The following STAU2 variants were observed in gnomAD, a reference collection of about 807,000 sequenced individuals.
STAU2 encodes the protein double-stranded RNA-binding protein Staufen homolog 2.
In STAU2, 20 loss-of-function variants were observed where a neutral mutation model predicts 65.9. That is an observed-to-expected ratio of 0.30 (90% CI 0.21 to 0.44). The LOEUF (loss-of-function observed/expected upper bound fraction) is 0.44. Among genes scored for constraint, STAU2 ranks in the 20% least tolerant of loss-of-function variants. The probability of loss-of-function intolerance (pLI) is 1.00; values close to 1 mark genes in which losing one functional copy is unlikely to be tolerated. For synonymous variants in STAU2, 232 were observed against 233.9 expected (o/e 0.99, Z 0.07); for missense variants, 558 against 683.9 (o/e 0.82, Z 2.05).
At chr8:73,524,199 A>G (rs1425561033) in intron 13 of STAU2, among the ~76,000 whole-genome samples, 2 of 152,326 alleles carry the variant, frequency 1.3e-5, no homozygotes, top group East Asian at 1.9e-4. Context: ...GGTCAGAGAC[A>G]TAATTTAGAG....
chr8:73,547,176 G>A (rs1355444842), intron 13 of STAU2, among the ~76,000 whole-genome samples: 2 of 152,162 alleles, frequency 1.3e-5, no homozygotes, highest in Non-Finnish European at 2.9e-5. Context: ...ACTATCTTGT[G>A]TGTCTTACTA....
rs16938694 is a variant in STAU2 at position 73,580,811 on chromosome 8, G to A, written c.1222+1959C>T. On this transcript the variant is annotated intron_variant, in intron 12 of 14. Coordinates refer to ENST00000524300, the MANE Select transcript of STAU2 (RefSeq NM_001164380.2). ...TTATCCTCTATCGTAATCCAAGGAA[G>A]GGACAATCCAGTGTTCATTCAAAGA... Among the ~76,000 whole-genome samples the A allele has an allele frequency of 5.1e-3, 771 of 152,244 alleles. 12 individuals carry two copies. The highest frequency in any genetic ancestry group is 0.018 in the African/African-American group (735 of 41,546).
At chr8:73,451,497 G>C (rs1818799095) in intron 13 of STAU2, among the ~76,000 whole-genome samples, 1 of 151,944 alleles carries the variant, frequency 6.6e-6, no homozygotes. Flanking sequence ...AATATGTTAA[G>C]AGAGAGAAAG....
chr8:73,552,176 G>C lies in STAU2; in HGVS notation c.1366C>G (p.Pro456Ala), dbSNP rs765489364. 4 of 1,613,988 alleles carry C rather than the reference G, an allele frequency of 2.5e-6. No individual in the cohort carries two copies. Among genetic ancestry groups the C allele is most frequent in the Non-Finnish European group, 3.4e-6 (4 of 1,179,882 alleles). ...QPSSSFFSISPTSNSSATIAR... is the reference protein window; with the variant it reads ...QPSSSFFSISATSNSSATIAR... ...ATTGTAGCTGAACTATTCGATGTGG[G>C]AGATATACTGAAGAAAGAGCTTGAA... The change falls in exon 13 of 15, where the codon CCC (proline) becomes GCC (alanine). Residue 456 changes from proline (P) to alanine (A), a missense_variant. Pro to Ala is a conservative substitution (Grantham distance 27). This residue lies in a region of STAU2 where 247 missense variants were observed against 270.1 expected (regional missense o/e 0.91). Transcript: ENST00000524300.
chr8:73,711,778 C>T (rs10096084), intron 3 of STAU2, among the ~76,000 whole-genome samples: 2,098 of 152,154 alleles, frequency 0.014, 21 homozygotes, highest in Non-Finnish European at 0.021. Context: ...TAACATGAAT[C>T]CAATAACACA....
chr8:73,510,618 C>G (rs1310234430), intron 13 of STAU2, among the ~76,000 whole-genome samples: 2 of 152,108 alleles, frequency 1.3e-5, no homozygotes, highest in African/African-American at 4.8e-5. Context: ...ACTGGGGAGG[C>G]CTCAGGAAAC....
intron 6 of STAU2, among the ~76,000 whole-genome samples, chr8:73,635,299 A>G (rs1184780910): frequency 6.6e-6 from 1 of 152,236 alleles, no homozygotes; most frequent in Non-Finnish European, 1.5e-5. Flanking sequence ...GGTACCAAAA[A>G]GTCAATGAAA....
intron 13 of STAU2, among the ~76,000 whole-genome samples, chr8:73,510,736 T>A (rs1338459443): frequency 6.6e-6 from 1 of 152,068 alleles, no homozygotes; most frequent in Non-Finnish European, 1.5e-5. Context: ...ATCCATTAGA[T>A]CTCCTGAGAA....
chr8:73,716,684 C>A (rs2130684767), intron 3 of STAU2, among the ~76,000 whole-genome samples: 1 of 152,244 alleles, frequency 6.6e-6, no homozygotes, highest in South Asian at 2.1e-4. Flanking sequence ...GCTTATATGT[C>A]ATCTGTATCT....
At chr8:73,639,567 C>T (rs138611746) in intron 6 of STAU2, among the ~76,000 whole-genome samples, 218 of 152,198 alleles carry the variant, frequency 1.4e-3, no homozygotes, top group Non-Finnish European at 2.4e-3. Context: ...CGACAACCTT[C>T]TCAGATCACT....
At chr8:73,568,330 G>A (rs945741208) in intron 12 of STAU2, among the ~76,000 whole-genome samples, 1 of 152,220 alleles carries the variant, frequency 6.6e-6, no homozygotes, top group African/African-American at 2.4e-5. Flanking sequence ...TAAGCTGGGT[G>A]CAGTGGCTCA....
At chr8:73,586,548 T>A (rs1212543421) in intron 11 of STAU2, among the ~76,000 whole-genome samples, 1 of 150,628 alleles carries the variant, frequency 6.6e-6, no homozygotes, top group Non-Finnish European at 1.5e-5. Context: ...AAAAATAAGA[T>A]TCCAAGACTC....
intron 13 of STAU2, among the ~76,000 whole-genome samples, chr8:73,469,487 G>T (rs1402388470): frequency 7.3e-6 from 1 of 136,682 alleles, no homozygotes; most frequent in Non-Finnish European, 1.6e-5. Flanking sequence ...AAAAAAAAAA[G>T]AAAGTGTGTC....
chr8:73,461,007 T>A (rs1386354711), intron 13 of STAU2, among the ~76,000 whole-genome samples: 1 of 152,172 alleles, frequency 6.6e-6, no homozygotes, highest in Non-Finnish European at 1.5e-5. Flanking sequence ...TTCTTTCAGT[T>A]GAGTTCACCC....
chr8:73,510,583 T>C (rs1046165307), intron 13 of STAU2, among the ~76,000 whole-genome samples: 2 of 152,166 alleles, frequency 1.3e-5, no homozygotes, highest in African/African-American at 4.8e-5. Flanking sequence ...AGGAAACAGG[T>C]TTAACTGGCT....
chr8:73,459,036 G>A lies in STAU2; in HGVS notation c.1531-36334C>T, dbSNP rs149375647. ...AATGATTTGACAAAATTATTTTATC[G>A]AATGGAAGCCTACTTTCATGAAAGT... On this transcript the variant is annotated intron_variant, in intron 13 of 14. Transcript: ENST00000524300. Among the ~76,000 whole-genome samples the A allele has an allele frequency of 1.5e-4, 23 of 152,208 alleles. No individual in the cohort carries two copies. In the East Asian group the frequency reaches 3.5e-3, roughly 23 times the overall value.
chr8:73,634,646 C>T (rs1814360797), intron 6 of STAU2, among the ~76,000 whole-genome samples: 1 of 152,234 alleles, frequency 6.6e-6, no homozygotes, highest in African/African-American at 2.4e-5. Context: ...TCTCTGGCTT[C>T]TTCTACCACT....
intron 12 of STAU2, among the ~76,000 whole-genome samples, chr8:73,565,105 A>C (rs1171339324): frequency 6.6e-6 from 1 of 152,200 alleles, no homozygotes; most frequent in Non-Finnish European, 1.5e-5. Context: ...AAAATCTGTA[A>C]AATGCACAAT....
intron 3 of STAU2, among the ~76,000 whole-genome samples, chr8:73,712,671 T>C (rs538646923): frequency 3.9e-5 from 6 of 152,328 alleles, no homozygotes; most frequent in Admixed American, 3.9e-4. Context: ...AATATACTTC[T>C]TGGCTGGGCA....
Sources: gnomAD v4.1 joint callset for allele counts (sites outside exome capture counted in the v4.1 genomes callset) on GRCh38, gnomAD v4.1.1 for gene constraint, gnomAD v4.1.1 regional missense constraint, MANE v1.5 for transcripts, NCBI Gene and HGNC (gene_info 2026-07-23, HGNC 2026-07-21) for gene names.